Variants in CFAP119 observed in about 807,000 individuals in gnomAD.
CFAP119 encodes the protein cilia and flagella associated protein 119.
At chr16:30,761,585 G>A in the CFAP119 span, 2 of 1,536,106 alleles carry the variant, frequency 1.3e-6, no homozygotes. Flanking sequence ...CGCTTTCGCC[G>A]CCGCCGCCGT....
chr16:30,758,549 T>G, the CFAP119 span: 1 of 206,360 alleles, frequency 4.8e-6, no homozygotes, highest in Non-Finnish European at 9.9e-6. Flanking sequence ...CAGCTGTGCT[T>G]TTTGTTTGTT....
At chr16:30,759,975 A>G in the CFAP119 span, 1 of 1,455,030 alleles carries the variant, frequency 6.9e-7, no homozygotes, top group South Asian at 1.5e-5. Context: ...AAACCAAGAA[A>G]TAGATCATTT....
chr16:30,757,985 G>T, the CFAP119 span: 1 of 298,444 alleles, frequency 3.4e-6, no homozygotes, highest in Non-Finnish European at 5.7e-6. Context: ...GATTAAATGA[G>T]TTAATTTATG....
the CFAP119 span, chr16:30,758,500 G>A: frequency 2.1e-5 from 4 of 187,926 alleles, no homozygotes; most frequent in South Asian, 9.1e-5. Context: ...TTAAGCCACC[G>A]TCATTGGCTT....
the CFAP119 span, chr16:30,761,839 G>T: frequency 7.9e-7 from 1 of 1,261,082 alleles, no homozygotes; most frequent in Non-Finnish European, 1.1e-6. Flanking sequence ...ACCAAGGCCG[G>T]GCCCGTTCGC....
chr16:30,757,432 G>A, the CFAP119 span: 5 of 1,589,682 alleles, frequency 3.1e-6, no homozygotes, highest in Admixed American at 6.8e-5. Flanking sequence ...GTGCAGGGAT[G>A]GTGCCATTCT....
chr16:30,760,980 G>T, the CFAP119 span: 1 of 619,634 alleles, frequency 1.6e-6, no homozygotes, highest in Non-Finnish European at 2.8e-6. Flanking sequence ...GCGGCCATGA[G>T]ACTCCATTTA....
At chr16:30,757,615 A>G in the CFAP119 span, 10 of 1,613,772 alleles carry the variant, frequency 6.2e-6, no homozygotes, top group Admixed American at 3.3e-5. Flanking sequence ...CTCTTTGTTC[A>G]CTTGGGTCTT....
the CFAP119 span, chr16:30,760,681 A>T: frequency 6.6e-7 from 1 of 1,522,554 alleles, no homozygotes; most frequent in Non-Finnish European, 8.8e-7. Flanking sequence ...GTTATAGTAA[A>T]AGAAAAAGAG....
At chr16:30,761,690 T>G in the CFAP119 span, 1 of 1,535,726 alleles carries the variant, frequency 6.5e-7, no homozygotes, top group Non-Finnish European at 8.7e-7. Flanking sequence ...CTCGGAGAGA[T>G]GTTCAAGCTC....
the CFAP119 span, chr16:30,759,807 G>A: frequency 6.6e-7 from 1 of 1,522,302 alleles, no homozygotes; most frequent in Non-Finnish European, 8.8e-7. Flanking sequence ...TTATGACCAT[G>A]AGCTTCAGAA....
chr16:30,761,925 C>T, the CFAP119 span: 2 of 640,214 alleles, frequency 3.1e-6, no homozygotes, highest in South Asian at 2.1e-5. Context: ...GTCTCAACGG[C>T]GACGGTTGCC....
the CFAP119 span, chr16:30,761,445 G>A: frequency 6.0e-6 from 9 of 1,494,966 alleles, no homozygotes; most frequent in African/African-American, 1.4e-5. Context: ...CAAGCAGCCC[G>A]GGAGACGTCC....
chr16:30,760,763 G>T, the CFAP119 span: 1 of 1,130,582 alleles, frequency 8.8e-7, no homozygotes, highest in Non-Finnish European at 1.3e-6. Flanking sequence ...GGCCACCGGC[G>T]TGAAGCTGGG....
At chr16:30,757,455 T>C in the CFAP119 span, 1 of 1,607,192 alleles carries the variant, frequency 6.2e-7, no homozygotes, top group Non-Finnish European at 8.5e-7. Context: ...CCCAGACCTT[T>C]ATTGGGGAAA....
the CFAP119 span, chr16:30,757,813 G>A: frequency 1.4e-6 from 2 of 1,417,494 alleles, no homozygotes; most frequent in African/African-American, 1.4e-5. Flanking sequence ...GCCCTTGTGT[G>A]AGAGGTAGTT....
chr16:30,760,401 C>T, the CFAP119 span: 27 of 1,614,054 alleles, frequency 1.7e-5, no homozygotes, highest in African/African-American at 6.7e-5. Flanking sequence ...AGGGTGATGG[C>T]GTCCCTCAGG....
chr16:30,757,580 C>CCA, the CFAP119 span: 5 of 1,614,216 alleles, frequency 3.1e-6, no homozygotes, highest in Non-Finnish European at 4.2e-6. Flanking sequence ...AGCCGCTCCT[C>CCA]CACCAGCCCC....
the CFAP119 span, chr16:30,757,605 C>T: frequency 6.2e-7 from 1 of 1,614,158 alleles, no homozygotes; most frequent in Non-Finnish European, 8.5e-7. Flanking sequence ...GCTGCTCCAG[C>T]TCTTTGTTCA....
Sources: gnomAD v4.1 joint callset for allele counts on GRCh38, gnomAD v4.1.1 for gene constraint, MANE v1.5 for transcripts, NCBI Gene and HGNC (gene_info 2026-07-23, HGNC 2026-07-21) for gene names.